Variants in TXNRD1 observed in about 807,000 individuals in gnomAD.
TXNRD1 encodes the protein thioredoxin reductase 1.
A neutral mutation model predicts 80.3 loss-of-function variants in TXNRD1; 57 were observed. The observed-to-expected ratio is 0.71, with a 90% CI of 0.57 to 0.89. TXNRD1 has a LOEUF of 0.89. Ranked by LOEUF, TXNRD1 falls within the 40% of genes least tolerant of loss-of-function variation. The probability of loss-of-function intolerance (pLI) is 0.00; values close to 1 mark genes in which losing one functional copy is unlikely to be tolerated. For missense variants in TXNRD1, 730 were observed against 803.0 expected, an observed-to-expected ratio of 0.91 and a Z score of 1.10; for synonymous variants, 291 against 285.2, an observed-to-expected ratio of 1.02 and a Z score of -0.20.
At chr12:104,311,119 G>T (rs2035117621) in intron 4 of TXNRD1, among the ~76,000 whole-genome samples, 171 bp from the exon 5 acceptor site, 1 of 152,212 alleles carries the variant, frequency 6.6e-6, no homozygotes, top group Admixed American at 6.5e-5. Flanking sequence ...AAAGCAAGCA[G>T]TTCACAACTT....
intron 3 of TXNRD1, among the ~76,000 whole-genome samples, chr12:104,261,420 C>T (rs1054949764): frequency 6.6e-6 from 1 of 152,196 alleles, no homozygotes; most frequent in African/African-American, 2.4e-5. Flanking sequence ...ACCTCGGCCT[C>T]CCAAAGTTCT....
intron 1 of TXNRD1, among the ~76,000 whole-genome samples, chr12:104,220,095 C>A (rs2032316935): frequency 6.6e-6 from 1 of 152,118 alleles, no homozygotes; most frequent in Non-Finnish European, 1.5e-5. Context: ...TATTTCTGGG[C>A]AGAGGTGCCT....
intron 4 of TXNRD1, chr12:104,304,991 G>A (rs976792979): frequency 1.1e-5 from 16 of 1,486,888 alleles, no homozygotes; most frequent in South Asian, 9.8e-5. Flanking sequence ...TAGATGGAGA[G>A]TAAAATGTAA....
At chr12:104,268,657 TAC>T (rs1363059944) in intron 3 of TXNRD1, among the ~76,000 whole-genome samples, 3 of 152,076 alleles carry the variant, frequency 2.0e-5, no homozygotes, top group African/African-American at 7.2e-5. Context: ...TAGCTGAGAC[TAC>T]AGGCTGCACT....
intron 3 of TXNRD1, among the ~76,000 whole-genome samples, chr12:104,259,172 A>G (rs1027764519): frequency 1.3e-5 from 2 of 152,092 alleles, no homozygotes; most frequent in South Asian, 4.1e-4. Flanking sequence ...TGAGGTAAAG[A>G]GTTTGAGACC....
At chr12:104,222,231 G>T (rs979644115) in intron 1 of TXNRD1, among the ~76,000 whole-genome samples, 1 of 152,118 alleles carries the variant, frequency 6.6e-6, no homozygotes, top group East Asian at 1.9e-4. Flanking sequence ...AGAAAAAGAT[G>T]GTGTCTTTTG....
chr12:104,286,644 G>A (rs1374672741), intron 3 of TXNRD1: 1 of 810,970 alleles, frequency 1.2e-6, no homozygotes, highest in East Asian at 1.3e-4. Flanking sequence ...AATGACATCA[G>A]AATGTCTAGG....
intron 2 of TXNRD1, among the ~76,000 whole-genome samples, chr12:104,256,753 G>A (rs563297365): frequency 4.9e-5 from 7 of 143,556 alleles, no homozygotes; most frequent in Admixed American, 1.4e-4. Context: ...GCACTCCACT[G>A]GTGACAAAGT....
chr12:104,261,266 C>T (rs1333005772), intron 3 of TXNRD1, among the ~76,000 whole-genome samples: 2 of 151,896 alleles, frequency 1.3e-5, no homozygotes, highest in Admixed American at 6.6e-5. Flanking sequence ...AGGGTTCGAG[C>T]GATTCTCCTG....
intron 1 of TXNRD1, among the ~76,000 whole-genome samples, chr12:104,247,791 A>G (rs1332147630): frequency 6.6e-6 from 1 of 152,162 alleles, no homozygotes; most frequent in Non-Finnish European, 1.5e-5. Context: ...TGCCCTTGGC[A>G]TAGATGTTAT....
intron 1 of TXNRD1, among the ~76,000 whole-genome samples, chr12:104,234,237 CT>C (rs1420618577): frequency 3.3e-5 from 5 of 152,192 alleles, no homozygotes; most frequent in African/African-American, 1.2e-4. Context: ...TGCCAATAAT[CT>C]TTGAGACTGT....
chr12:104,236,645 C>T (rs1294340440), intron 1 of TXNRD1, among the ~76,000 whole-genome samples: 6 of 151,822 alleles, frequency 4.0e-5, no homozygotes, highest in Non-Finnish European at 7.4e-5. Context: ...CAAAATTAGC[C>T]GGGTGTGGTG....
At chr12:104,344,996 C>T (rs191319371) in intron 16 of TXNRD1, among the ~76,000 whole-genome samples, 5 of 152,302 alleles carry the variant, frequency 3.3e-5, no homozygotes, top group South Asian at 2.1e-4. Flanking sequence ...CTGTTTTTAT[C>T]GTCCAGACAT....
chr12:104,285,045 C>T (rs769982020), intron 3 of TXNRD1, among the ~76,000 whole-genome samples: 11 of 151,976 alleles, frequency 7.2e-5, no homozygotes, highest in Non-Finnish European at 5.9e-5. Context: ...TGTGGTGGTG[C>T]ATGCCTGTAG....
intron 3 of TXNRD1, chr12:104,262,603 C>T (rs1255709800): frequency 6.6e-6 from 1 of 152,210 alleles, no homozygotes; most frequent in Non-Finnish European, 1.5e-5. Context: ...TTTAAAAAGT[C>T]AGAAGATCAA....
intron 4 of TXNRD1, 30 bp downstream of exon 4, chr12:104,289,070 G>T (rs543623757): frequency 3.1e-6 from 5 of 1,601,382 alleles, no homozygotes; most frequent in African/African-American, 2.7e-5. Context: ...CTTTTTAAAC[G>T]GGGGATGAGC....
intron 6 of TXNRD1, 127 bp from the exon 7 acceptor site, chr12:104,315,650 T>G: frequency 9.0e-7 from 1 of 1,107,242 alleles, no homozygotes. Flanking sequence ...ATAAACTTTA[T>G]TACTGACCAC....
At chr12:104,257,693 G>A (rs905652092) in intron 2 of TXNRD1, among the ~76,000 whole-genome samples, 1 of 152,146 alleles carries the variant, frequency 6.6e-6, no homozygotes, top group African/African-American at 2.4e-5. Flanking sequence ...ACAGACGTGA[G>A]CCACCGCACC....
intron 3 of TXNRD1, among the ~76,000 whole-genome samples, chr12:104,278,585 T>C (rs1488234268): frequency 1.4e-5 from 2 of 143,550 alleles, no homozygotes; most frequent in Non-Finnish European, 3.0e-5. Flanking sequence ...CACTGCAACC[T>C]CCACCTCCCG....
Sources: allele counts gnomAD v4.1 joint callset (sites outside exome capture counted in the v4.1 genomes callset), GRCh38; gene constraint gnomAD v4.1.1; transcripts MANE v1.5; gene names NCBI Gene and HGNC (gene_info 2026-07-23, HGNC 2026-07-21).